Variants in DAAM1 observed in about 807,000 individuals in gnomAD.
The protein encoded by DAAM1 is dishevelled associated activator of morphogenesis 1.
DAAM1 carries 52 observed loss-of-function variants against 130.0 expected under a neutral mutation model. The observed-to-expected ratio is 0.40, with a 90% CI of 0.32 to 0.50. DAAM1 has a LOEUF of 0.50. Ranked by LOEUF, DAAM1 falls within the 20% of genes least tolerant of loss-of-function variation. The pLI, the probability that DAAM1 is intolerant of heterozygous loss-of-function variation, is 0.61. For missense variants in DAAM1, 1,134 were observed against 1,303.8 expected (o/e 0.87, Z 2.01); for synonymous variants, 452 against 444.5 (o/e 1.02, Z -0.21).
At chr14:59,306,533 A>C (rs569279892) in intron 3 of DAAM1, among the ~76,000 whole-genome samples, 3 of 152,306 alleles carry the variant, frequency 2.0e-5, no homozygotes, top group Admixed American at 2.0e-4. Flanking sequence ...CTACACAAGT[A>C]TTTAGATTTT....
chr14:59,350,656 G>A (rs1886256393), intron 17 of DAAM1, among the ~76,000 whole-genome samples: 1 of 151,892 alleles, frequency 6.6e-6, no homozygotes, highest in Admixed American at 6.6e-5. Flanking sequence ...CCTGTTGCCG[G>A]AGCCAGGGGA....
intron 22 of DAAM1, 110 bp downstream of exon 22, chr14:59,360,972 T>C (rs980913054): frequency 1.5e-5 from 13 of 850,082 alleles, no homozygotes; most frequent in Non-Finnish European, 2.1e-5. Context: ...GGGATAAACA[T>C]TTATTGATTA....
At chr14:59,270,454 G>C (rs116750972) in intron 2 of DAAM1, among the ~76,000 whole-genome samples, 2 of 152,070 alleles carry the variant, frequency 1.3e-5, no homozygotes, top group African/African-American at 4.8e-5. Flanking sequence ...TCAGTAACCC[G>C]GAGGGAGGAA....
chr14:59,297,215 C>G (rs1322981807), intron 3 of DAAM1, among the ~76,000 whole-genome samples: 2 of 152,140 alleles, frequency 1.3e-5, no homozygotes, highest in South Asian at 2.1e-4. Flanking sequence ...CTGCCCTGTT[C>G]CCACATTGCA....
chr14:59,289,783 T>TATAA (rs966292211), intron 2 of DAAM1, among the ~76,000 whole-genome samples: 1 of 135,244 alleles, frequency 7.4e-6, no homozygotes, highest in Non-Finnish European at 1.7e-5. Flanking sequence ...TATATATATA[T>TATAA]AATGGAATGC....
chr14:59,264,504 A>G (rs1202934239), intron 2 of DAAM1: 1 of 152,180 alleles, frequency 6.6e-6, no homozygotes, highest in Non-Finnish European at 1.5e-5. Flanking sequence ...TCTAGGTTTG[A>G]TATAATGTTT....
intron 3 of DAAM1, 124 bp from the exon 4 acceptor site, chr14:59,315,156 C>G: frequency 1.2e-6 from 1 of 863,088 alleles, no homozygotes; most frequent in Non-Finnish European, 2.0e-6. Flanking sequence ...ATAAATACGT[C>G]ATACCTTCGT....
intron 1 of DAAM1, among the ~76,000 whole-genome samples, chr14:59,223,813 C>T (rs1888852712): frequency 6.6e-6 from 1 of 152,180 alleles, no homozygotes; most frequent in Non-Finnish European, 1.5e-5. Context: ...ACATGCCCCA[C>T]ACCTCTGGAC....
intron 2 of DAAM1, among the ~76,000 whole-genome samples, chr14:59,285,184 C>T (rs1883387294): frequency 6.6e-6 from 1 of 152,060 alleles, no homozygotes; most frequent in African/African-American, 2.4e-5. Flanking sequence ...AAATTCCAAC[C>T]AAGAATTTCA....
At chr14:59,214,050 T>C (rs1329979514) in intron 1 of DAAM1, among the ~76,000 whole-genome samples, 1 of 152,230 alleles carries the variant, frequency 6.6e-6, no homozygotes, top group Non-Finnish European at 1.5e-5. Flanking sequence ...TGGCCTGCCT[T>C]TTTTCATCTG....
intron 1 of DAAM1, among the ~76,000 whole-genome samples, chr14:59,201,959 T>C (rs893067732): frequency 2.0e-5 from 3 of 152,182 alleles, no homozygotes; most frequent in Admixed American, 1.3e-4. Context: ...CTCTATTATA[T>C]TTTGGCAGGT....
At chr14:59,235,855 C>T (rs1278409138) in intron 1 of DAAM1, among the ~76,000 whole-genome samples, 2 of 152,034 alleles carry the variant, frequency 1.3e-5, no homozygotes, top group Admixed American at 1.3e-4. Flanking sequence ...GCATTTCATC[C>T]AAACCAGCCA....
intron 1 of DAAM1, among the ~76,000 whole-genome samples, chr14:59,208,776 C>A (rs796186883): frequency 4.6e-5 from 7 of 152,206 alleles, no homozygotes; most frequent in African/African-American, 1.7e-4. Flanking sequence ...GAGGGTAGAT[C>A]CCTCATGAAT....
At chr14:59,353,788 C>T in intron 18 of DAAM1, 88 bp from the exon 19 acceptor site, 4 of 1,246,362 alleles carry the variant, frequency 3.2e-6, no homozygotes, top group African/African-American at 1.5e-5. Flanking sequence ...GGGGGAGGTG[C>T]TTCTAGGTAC....
intron 1 of DAAM1, among the ~76,000 whole-genome samples, chr14:59,207,587 C>G (rs533820804): frequency 1.1e-4 from 16 of 152,100 alleles, no homozygotes; most frequent in Non-Finnish European, 2.4e-4. Flanking sequence ...GGTATTAAAG[C>G]GCCTCAAAAA....
At chr14:59,268,116 T>G (rs1882541577) in intron 2 of DAAM1, among the ~76,000 whole-genome samples, 1 of 152,130 alleles carries the variant, frequency 6.6e-6, no homozygotes, top group Non-Finnish European at 1.5e-5. Context: ...TTGGTCAGGC[T>G]GGTCTCGAAC....
intron 1 of DAAM1, among the ~76,000 whole-genome samples, chr14:59,202,484 CA>C (rs1888135676): frequency 6.6e-6 from 1 of 152,126 alleles, no homozygotes; most frequent in African/African-American, 2.4e-5. Flanking sequence ...ACCATAAAAG[CA>C]ACACCTTAAA....
intron 2 of DAAM1, among the ~76,000 whole-genome samples, chr14:59,280,060 A>G (rs1883140269): frequency 1.3e-5 from 2 of 152,190 alleles, no homozygotes; most frequent in Admixed American, 1.3e-4. Flanking sequence ...AAACTAGAAG[A>G]GCTAAAATTT....
chr14:59,356,653 G>A (rs1490259325), intron 20 of DAAM1, among the ~76,000 whole-genome samples: 2 of 152,202 alleles, frequency 1.3e-5, no homozygotes, highest in African/African-American at 4.8e-5. Context: ...GTAGGGAATG[G>A]AAGATCTTAT....
Sources: gnomAD v4.1 joint callset for allele counts (sites outside exome capture counted in the v4.1 genomes callset) on GRCh38, gnomAD v4.1.1 for gene constraint, MANE v1.5 for transcripts, NCBI Gene and HGNC (gene_info 2026-07-23, HGNC 2026-07-21) for gene names.